Variants in NRP1 observed in about 807,000 individuals in gnomAD.
NRP1 encodes neuropilin 1.
NRP1 carries 35 observed loss-of-function variants against 106.7 expected under a neutral mutation model. The ratio of observed to expected loss-of-function variants is 0.33; its 90% confidence interval spans 0.25 to 0.43. The LOEUF (loss-of-function observed/expected upper bound fraction) is 0.43. Ranked by LOEUF, NRP1 falls within the 20% of genes least tolerant of loss-of-function variation. The probability of loss-of-function intolerance (pLI) is 1.00; values close to 1 mark genes in which losing one functional copy is unlikely to be tolerated. For missense variants in NRP1, 1,024 were observed against 1,170.4 expected (o/e 0.87, Z 1.83); for synonymous variants, 437 against 417.9 (o/e 1.05, Z -0.56).
At chr10:33,260,323 G>C (rs923147473) in intron 4 of NRP1, among the ~76,000 whole-genome samples, 3 of 151,984 alleles carry the variant, frequency 2.0e-5, no homozygotes, top group African/African-American at 7.3e-5. Context: ...CTTTTCCCCA[G>C]AAAAAATCTG....
At chr10:33,229,541 A>G (rs1205086206) in intron 6 of NRP1, among the ~76,000 whole-genome samples, 1 of 152,172 alleles carries the variant, frequency 6.6e-6, no homozygotes, top group African/African-American at 2.4e-5. Flanking sequence ...GAAATGATTA[A>G]ATTCCCAAGA....
intron 6 of NRP1, 122 bp downstream of exon 6, chr10:33,253,906 A>G: frequency 1.3e-6 from 1 of 790,090 alleles, no homozygotes; most frequent in East Asian, 2.6e-5. Context: ...TTTATACCTG[A>G]TGGCCGTGAA....
At chr10:33,300,031 A>T (rs1307078777) in intron 2 of NRP1, among the ~76,000 whole-genome samples, 1 of 152,100 alleles carries the variant, frequency 6.6e-6, no homozygotes, top group African/African-American at 2.4e-5. Context: ...TTTCCTACCA[A>T]ATCAAGATGA....
intron 15 of NRP1, 39 bp from the exon 16 acceptor site, chr10:33,182,787 G>T: frequency 2.0e-6 from 3 of 1,491,548 alleles, no homozygotes; most frequent in Admixed American, 1.7e-5. Context: ...TATTTGAACT[G>T]CCATCAAAAT....
intron 6 of NRP1, among the ~76,000 whole-genome samples, chr10:33,231,952 T>C (rs920116650): frequency 8.5e-5 from 13 of 152,318 alleles, no homozygotes; most frequent in African/African-American, 1.2e-4. Context: ...CTCACCACTA[T>C]TGACATTACT....
At chr10:33,247,455 C>T (rs1312232267) in intron 6 of NRP1, among the ~76,000 whole-genome samples, 1 of 152,184 alleles carries the variant, frequency 6.6e-6, no homozygotes, top group East Asian at 1.9e-4. Context: ...AGCAACAACT[C>T]ACCACTCTGG....
Position 33,330,905 on chromosome 10 carries a change from G to A in NRP1, c.74-23C>T, listed in dbSNP as rs1001939261. The A allele has an allele frequency of 8.9e-6, 14 of 1,580,640 alleles. No homozygotes were observed. In the African/African-American group the frequency reaches 1.9e-4, roughly 21 times the overall value. ...TATCTGCAATGAAAGTAAGATTTTA[G>A]CAGATCTTTCCTGACAACCTGTTAG... On this transcript the variant is annotated intron_variant, in intron 1 of 16. Transcript: ENST00000374867.
In NRP1 at chr10:33,334,496, C is replaced by T; in HGVS notation, c.-114G>A. The T allele has an allele frequency of 1.2e-6, 1 of 850,896 alleles. No homozygotes were observed. Among genetic ancestry groups the T allele is most frequent in the Non-Finnish European group, 1.8e-6 (1 of 547,042 alleles). The allele number at this position is 850,896 out of a possible 1,614,324, so 52.7% of individuals were successfully genotyped here. On this transcript the variant is annotated 5_prime_UTR_variant, in exon 1 of 17. Coordinates refer to ENST00000374867, the MANE Select transcript of NRP1 (RefSeq NM_003873.7). ...AGCCCCAACTCCGCCTAGAGCTGTACAATCCTCAGCCCGTCTTGGAGAAAA... is the reference window on the plus strand; with the variant it reads ...AGCCCCAACTCCGCCTAGAGCTGTATAATCCTCAGCCCGTCTTGGAGAAAA...
intron 6 of NRP1, among the ~76,000 whole-genome samples, chr10:33,227,373 G>A (rs1349436069): frequency 6.6e-6 from 1 of 152,172 alleles, no homozygotes; most frequent in Non-Finnish European, 1.5e-5. Context: ...TGACTTGAAA[G>A]CTCTAAGGGT....
Position 33,334,426 on chromosome 10 carries a change from CG to C in NRP1, c.-45del. 2 of 1,503,776 alleles carry C rather than the reference CG, an allele frequency of 1.3e-6. No homozygotes were observed. The highest frequency in any genetic ancestry group is 1.8e-6 in the Non-Finnish European group (2 of 1,113,520). 93.2% of individuals were successfully genotyped at this position (1,503,776 alleles called of 1,614,324 possible). A position where few individuals can be genotyped will look rare whatever the true frequency, so the allele number is the denominator to read the frequency against. On this transcript the variant is annotated 5_prime_UTR_variant, in exon 1 of 17. Coordinates refer to ENST00000374867, the MANE Select transcript of NRP1 (RefSeq NM_003873.7). ...GCAGGCAGACGCGGGAGAACGAGGA[CG>C]TGGGGGGAAATGCAGCAAAGAGGAG... is the stretch of plus-strand genomic sequence containing the variant.
chr10:33,259,689 T>C (rs960473497), intron 4 of NRP1, among the ~76,000 whole-genome samples: 1 of 152,208 alleles, frequency 6.6e-6, no homozygotes, highest in Non-Finnish European at 1.5e-5. Context: ...TTGTGCTGTT[T>C]AAAGATATGC....
At chr10:33,318,309 A>G (rs980468473) in intron 2 of NRP1, among the ~76,000 whole-genome samples, 2 of 152,188 alleles carry the variant, frequency 1.3e-5, no homozygotes, top group African/African-American at 4.8e-5. Flanking sequence ...GACCCAGCCC[A>G]TATGACCCAT....
chr10:33,321,640 C>A (rs1164665285), intron 2 of NRP1, among the ~76,000 whole-genome samples: 1 of 152,166 alleles, frequency 6.6e-6, no homozygotes, highest in East Asian at 1.9e-4. Flanking sequence ...CGTCTTAATT[C>A]TTTCCATGCC....
At chr10:33,305,611 C>G (rs926966213) in intron 2 of NRP1, among the ~76,000 whole-genome samples, 1 of 152,186 alleles carries the variant, frequency 6.6e-6, no homozygotes, top group African/African-American at 2.4e-5. Flanking sequence ...TCCACTTTCT[C>G]TACCCATCAA....
chr10:33,182,639 T>TA (rs1030262796), intron 16 of NRP1, 59 bp downstream of exon 16: 4 of 1,211,070 alleles, frequency 3.3e-6, no homozygotes, highest in African/African-American at 1.5e-5. Flanking sequence ...AGTTTCTTCA[T>TA]AAACACAATG....
At chr10:33,260,029 A>AT (rs1239807335) in intron 4 of NRP1, among the ~76,000 whole-genome samples, 4 of 151,008 alleles carry the variant, frequency 2.6e-5, no homozygotes, top group South Asian at 2.1e-4. Context: ...TAATTTTTAA[A>AT]TTTTTTTTTG....
intron 10 of NRP1, chr10:33,206,200 T>C (rs1489006162): frequency 1.9e-6 from 1 of 518,764 alleles, no homozygotes; most frequent in African/African-American, 1.9e-5. Context: ...CAGATTCGCA[T>C]CCAGGGAGCA....
At chr10:33,203,772 C>T (rs1466903588) in intron 10 of NRP1, among the ~76,000 whole-genome samples, 2 of 107,878 alleles carry the variant, frequency 1.9e-5, no homozygotes, top group African/African-American at 3.4e-5. Flanking sequence ...CTCGCTCTGT[C>T]GCCCAGGCCG....
At chr10:33,265,032 C>T (rs956315965) in intron 3 of NRP1, among the ~76,000 whole-genome samples, 11 of 152,182 alleles carry the variant, frequency 7.2e-5, no homozygotes, top group South Asian at 4.2e-4. Flanking sequence ...ATTGCTTGAA[C>T]CCGGGAGGCA....
Sources: gnomAD v4.1 joint callset for allele counts (sites outside exome capture counted in the v4.1 genomes callset) on GRCh38, gnomAD v4.1.1 for gene constraint, MANE v1.5 for transcripts, NCBI Gene and HGNC (gene_info 2026-07-23, HGNC 2026-07-21) for gene names.